CCSER1: variants seen among roughly 807,000 people sequenced by gnomAD.
The protein encoded by CCSER1 is serine-rich coiled-coil domain-containing protein 1.
Under a neutral mutation model 82.0 loss-of-function variants are expected in CCSER1, and 41 were observed. That is an observed-to-expected ratio of 0.50 (90% CI 0.39 to 0.65). CCSER1 has a LOEUF of 0.65. Among genes scored for constraint, CCSER1 ranks in the 30% least tolerant of loss-of-function variants. The probability of loss-of-function intolerance (pLI) is 0.00; values close to 1 mark genes in which losing one functional copy is unlikely to be tolerated. For missense variants in CCSER1, 1,119 were observed against 1,064.2 expected (o/e 1.05, Z -0.72); for synonymous variants, 414 against 383.9 (o/e 1.08, Z -0.92).
intron 1 of CCSER1, among the ~76,000 whole-genome samples, chr4:90,181,454 C>T (rs1401585326): frequency 6.6e-6 from 1 of 152,136 alleles, no homozygotes; most frequent in Non-Finnish European, 1.5e-5. Flanking sequence ...CAGTATTTCT[C>T]ATCTCCCTTT....
chr4:91,384,543 T>C (rs1317544403), intron 10 of CCSER1, among the ~76,000 whole-genome samples: 2 of 152,038 alleles, frequency 1.3e-5, no homozygotes, highest in African/African-American at 4.8e-5. Flanking sequence ...CAATTAGATA[T>C]ATTACTCACA....
chr4:90,774,460 T>C (rs1752637320), intron 7 of CCSER1, among the ~76,000 whole-genome samples: 1 of 152,130 alleles, frequency 6.6e-6, no homozygotes, highest in African/African-American at 2.4e-5. Context: ...GATAATATAA[T>C]GAGTCATAGA....
At chr4:91,007,669 T>C (rs1561466137) in intron 9 of CCSER1, among the ~76,000 whole-genome samples, 1 of 126,886 alleles carries the variant, frequency 7.9e-6, no homozygotes, top group African/African-American at 2.9e-5. Flanking sequence ...GTCAATTTTA[T>C]CTTCTCAAAA....
intron 10 of CCSER1, among the ~76,000 whole-genome samples, chr4:91,388,781 G>T (rs1027923134): frequency 1.3e-5 from 2 of 151,880 alleles, no homozygotes; most frequent in Admixed American, 6.6e-5. Context: ...GGTAGTGTCC[G>T]TCTTCTAACT....
chr4:90,325,595 G>T, intron 3 of CCSER1: 1 of 434,904 alleles, frequency 2.3e-6, no homozygotes, highest in Non-Finnish European at 4.7e-6. Flanking sequence ...TATTGATTCA[G>T]GGTCTGCGAC....
chr4:91,157,521 T>C (rs1311586043), intron 10 of CCSER1, among the ~76,000 whole-genome samples: 1 of 152,008 alleles, frequency 6.6e-6, no homozygotes, highest in Non-Finnish European at 1.5e-5. Flanking sequence ...ACTTTCTTTT[T>C]GTACTTTGAT....
intron 1 of CCSER1, among the ~76,000 whole-genome samples, chr4:90,229,531 G>A (rs1003376902): frequency 2.0e-5 from 3 of 151,920 alleles, no homozygotes; most frequent in Admixed American, 6.6e-5. Context: ...AAAATGTAAA[G>A]ACCATCGAGA....
intron 10 of CCSER1, among the ~76,000 whole-genome samples, chr4:91,296,483 A>ATATATATATATATTTATTTATTTATT (rs1175690764): frequency 8.1e-6 from 1 of 124,068 alleles, no homozygotes; most frequent in African/African-American, 3.4e-5. Context: ...ATATATATAT[A>ATATATATATATATTTATTTATTTATT]TATTTTAATT....
rs1218696379 is a variant in CCSER1 at position 90,974,528 on chromosome 4, G to T, written c.2172+51081G>T. ...GGAAGAACATATTTGTAAATCATGT[G>T]TTTGATAAAAGACTCATATTCAAAA... On this transcript the variant is annotated intron_variant, in intron 9 of 10. Coordinates refer to ENST00000509176, the MANE Select transcript of CCSER1 (RefSeq NM_001145065.2). Among the ~76,000 whole-genome samples the T allele has an allele frequency of 3.5e-4, 52 of 150,126 alleles. 1 individual carries two copies. The Admixed American group carries it at 3.5e-3, about 10-fold the overall frequency.
At chr4:90,227,622 A>T (rs762231575) in intron 1 of CCSER1, among the ~76,000 whole-genome samples, 2 of 152,236 alleles carry the variant, frequency 1.3e-5, no homozygotes, top group African/African-American at 2.4e-5. Context: ...GGAGGAGCCA[A>T]GATGGCCGAA....
Position 91,256,329 on chromosome 4 carries a change from G to A in CCSER1, c.2217+170335G>A, listed in dbSNP as rs535502684. On this transcript the variant is annotated intron_variant, in intron 10 of 10. Transcript: ENST00000509176. ...TGTTAAGATGTTTATCAATGACAAT[G>A]CATACACAGTGGGACATGAAGCTTC... 4.6e-5 allele frequency among the ~76,000 whole-genome samples: 7 copies of A among 152,272 alleles called. No individual in the cohort carries two copies. In the East Asian group the frequency reaches 7.7e-4, roughly 17 times the overall value.
chr4:90,788,552 A>C (rs61071526), intron 7 of CCSER1, among the ~76,000 whole-genome samples: 4,377 of 152,258 alleles, frequency 0.029, 190 homozygotes, highest in African/African-American at 0.094. Flanking sequence ...GGTTCCCTGT[A>C]GGTGTCCTTT....
At chr4:90,881,049 A>T (rs926010216) in intron 8 of CCSER1, among the ~76,000 whole-genome samples, 19 of 49,274 alleles carry the variant, frequency 3.9e-4, no homozygotes, top group African/African-American at 2.2e-3. Flanking sequence ...CTAAAAATTA[A>T]AAAAAAAAAA....
In CCSER1 at chr4:91,154,592, A is replaced by C. The variant is rs142275989; in HGVS notation, c.2217+68598A>C. Among the ~76,000 whole-genome samples, 188 of 152,106 alleles carry C rather than the reference A, an allele frequency of 1.2e-3. 1 individual carries two copies. Among genetic ancestry groups the C allele is most frequent in the South Asian group, 7.1e-3 (34 of 4,816 alleles). On this transcript the variant is annotated intron_variant, in intron 10 of 10. Transcript: ENST00000509176. The stretch of plus-strand genomic sequence containing the variant: ...CTGGTACCTCAGTTGAAAATGCAGG[A>C]ATCACCCATCTTCTGCATCACTCAC...
intron 10 of CCSER1, among the ~76,000 whole-genome samples, chr4:91,097,320 T>G (rs1173043833): frequency 7.2e-6 from 1 of 138,922 alleles, no homozygotes; most frequent in Non-Finnish European, 1.7e-5. Context: ...CTATTGGAAC[T>G]TTTGGATTAA....
intron 10 of CCSER1, among the ~76,000 whole-genome samples, chr4:91,350,583 G>T (rs1748405359): frequency 2.0e-5 from 3 of 151,990 alleles, no homozygotes; most frequent in African/African-American, 7.2e-5. Flanking sequence ...TTCTTATATT[G>T]AAGAGATTAA....
At chr4:91,355,009 T>C (rs1748730151) in intron 10 of CCSER1, among the ~76,000 whole-genome samples, 1 of 152,164 alleles carries the variant, frequency 6.6e-6, no homozygotes, top group Non-Finnish European at 1.5e-5. Context: ...TATTTTTCTT[T>C]ATTTTATTTT....
intron 10 of CCSER1, among the ~76,000 whole-genome samples, chr4:91,367,230 T>A (rs1424752048): frequency 6.9e-5 from 10 of 143,938 alleles, no homozygotes; most frequent in African/African-American, 2.6e-4. Context: ...GGTGGGAGGA[T>A]CACCTGAGCC....
intron 1 of CCSER1, among the ~76,000 whole-genome samples, chr4:90,307,292 G>A (rs1734465385): frequency 6.6e-6 from 1 of 151,954 alleles, no homozygotes; most frequent in African/African-American, 2.4e-5. Flanking sequence ...GTTCATAAAT[G>A]TTCTATGCTT....
Sources: gnomAD v4.1 joint callset for allele counts (sites outside exome capture counted in the v4.1 genomes callset) on GRCh38, gnomAD v4.1.1 for gene constraint, MANE v1.5 for transcripts, NCBI Gene and HGNC (gene_info 2026-07-23, HGNC 2026-07-21) for gene names.